The following GPR107 variants were observed in gnomAD, a reference collection of about 807,000 sequenced individuals.
GPR107 encodes protein GPR107.
Under a neutral mutation model 75.5 loss-of-function variants are expected in GPR107, and 31 were observed. The ratio of observed to expected loss-of-function variants is 0.41; its 90% CI spans 0.31 to 0.55. GPR107 has a LOEUF of 0.55. Among genes scored for constraint, GPR107 ranks in the 20% least tolerant of loss-of-function variants. The probability of loss-of-function intolerance (pLI) is 0.26; values close to 1 mark genes in which losing one functional copy is unlikely to be tolerated. For synonymous variants in GPR107, 267 were observed against 251.3 expected (o/e 1.06, Z -0.59); for missense variants, 572 against 665.7 (o/e 0.86, Z 1.55).
chr9:130,099,553 G>T, intron 10 of GPR107, 21 bp downstream of exon 10: 1 of 1,393,268 alleles, frequency 7.2e-7, no homozygotes, highest in South Asian at 1.2e-5. Context: ...GCATTTTGAG[G>T]ATCATTCATG....
chr9:130,128,402 T>C (rs55725664), intron 16 of GPR107, among the ~76,000 whole-genome samples: 1 of 152,180 alleles, frequency 6.6e-6, no homozygotes, highest in Non-Finnish European at 1.5e-5. Flanking sequence ...AAGCTACCCA[T>C]GAAGACTGGT....
chr9:130,120,652 G>A lies in GPR107; in HGVS notation c.1307-4263G>A, dbSNP rs1019050945. On this transcript the variant is annotated intron_variant, in intron 14 of 17. Coordinates refer to ENST00000347136, the MANE Select transcript of GPR107 (RefSeq NM_020960.5). ...ATCCACTCCTCGATCGCTCTGCATC[G>A]ATGGACATCTCACTGCCTTTTAGAG... Among the ~76,000 whole-genome samples, 37 of 152,120 alleles carry A rather than the reference G, an allele frequency of 2.4e-4. 1 individual carries two copies. The highest frequency in any genetic ancestry group is 2.4e-3 in the Admixed American group (37 of 15,274).
At chr9:130,066,215 C>A (rs914350873) in intron 1 of GPR107, among the ~76,000 whole-genome samples, 7 of 152,094 alleles carry the variant, frequency 4.6e-5, no homozygotes, top group Admixed American at 3.9e-4. Context: ...AGGAGAATCG[C>A]TTGAACCCGG....
At chr9:130,113,990 A>G (rs1281277230) in intron 14 of GPR107, among the ~76,000 whole-genome samples, 2 of 149,560 alleles carry the variant, frequency 1.3e-5, no homozygotes, top group Non-Finnish European at 3.0e-5. Flanking sequence ...TAAGCTAGAC[A>G]TTAAAGAGAA....
intron 1 of GPR107, among the ~76,000 whole-genome samples, chr9:130,067,752 C>CT (rs11409264): frequency 0.9 from 107,266 of 119,070 alleles, 48,499 homozygotes; most frequent in South Asian, 0.94. Context: ...CCACCGCCCC[C>CT]TTTTTTTTTT....
chr9:130,080,471 G>GTTTGTTTATTTA (rs141234005), intron 5 of GPR107, among the ~76,000 whole-genome samples: 29 of 146,690 alleles, frequency 2.0e-4, no homozygotes, highest in East Asian at 6.0e-4. Flanking sequence ...AGGTATTCCT[G>GTTTGTTTATTTA]TTTATTTATT....
chr9:130,086,491 T>C lies in GPR107; in HGVS notation c.621+15T>C. ...TGTCATTTCAGGTATGTATGCTCTT[T>C]GTGTAAAGCCTCCTAGAATTTCTCT... On this transcript the variant is annotated intron_variant, in intron 7 of 17. Transcript: ENST00000347136. The C allele has an allele frequency of 7.0e-7, 1 of 1,432,190 alleles. No homozygotes were observed. The highest frequency in any genetic ancestry group is 9.8e-7 in the Non-Finnish European group (1 of 1,016,864). 88.7% of individuals were successfully genotyped at this position (1,432,190 alleles called of 1,614,324 possible).
At position 130,094,898 on chromosome 9, in the gene GPR107, C is replaced by G. The variant is rs1830826974; in HGVS notation, c.863+2517C>G. ...CTTTTGCCATGTTGGCCAGGCTGGT[C>G]TTGAACTCCTGACCTCAGGTGATCC... is the stretch of plus-strand genomic sequence containing the variant. On this transcript the variant is annotated intron_variant, in intron 9 of 17. Coordinates refer to ENST00000347136, the MANE Select transcript of GPR107 (RefSeq NM_020960.5). Among the ~76,000 whole-genome samples, 3 of 152,122 alleles carry G rather than the reference C, an allele frequency of 2.0e-5. No individual in the cohort carries two copies. In the South Asian group the frequency reaches 6.2e-4, roughly 32 times the overall value.
intron 17 of GPR107, among the ~76,000 whole-genome samples, chr9:130,132,354 C>G (rs910322013): frequency 6.6e-6 from 1 of 152,206 alleles, no homozygotes; most frequent in Non-Finnish European, 1.5e-5. Flanking sequence ...GGAGGCAGGG[C>G]TGAGAACTGC....
At chr9:130,111,436 G>T (rs1286207495) in intron 14 of GPR107, among the ~76,000 whole-genome samples, 1 of 152,164 alleles carries the variant, frequency 6.6e-6, no homozygotes, top group Non-Finnish European at 1.5e-5. Context: ...GGAGGGTGAG[G>T]TGAGAAGATC....
At chr9:130,100,970 G>A (rs1006741929) in intron 11 of GPR107, 136 bp from the exon 12 acceptor site, 1 of 702,666 alleles carries the variant, frequency 1.4e-6, no homozygotes, top group East Asian at 2.5e-5. Flanking sequence ...TGGTGCTCAT[G>A]TATGATGGAT....
intron 1 of GPR107, among the ~76,000 whole-genome samples, chr9:130,068,066 C>CTT (rs10712492): frequency 2.1e-5 from 3 of 140,932 alleles, no homozygotes; most frequent in Non-Finnish European, 3.1e-5. Context: ...TTCTTGTTTT[C>CTT]TTTTTTTTTT....
At chr9:130,061,226 G>T (rs940511361) in intron 1 of GPR107, among the ~76,000 whole-genome samples, 4 of 152,172 alleles carry the variant, frequency 2.6e-5, no homozygotes, top group African/African-American at 9.7e-5. Flanking sequence ...GTAATGGACA[G>T]CTAGCTTCTA....
intron 5 of GPR107, among the ~76,000 whole-genome samples, chr9:130,082,758 C>T (rs920092525): frequency 1.3e-5 from 2 of 152,090 alleles, no homozygotes; most frequent in African/African-American, 2.4e-5. Context: ...GGATTATAGG[C>T]ATGAGCCACC....
intron 1 of GPR107, among the ~76,000 whole-genome samples, chr9:130,065,314 G>A (rs1368966266): frequency 6.6e-6 from 1 of 151,792 alleles, no homozygotes; most frequent in Non-Finnish European, 1.5e-5. Context: ...AGCTGGGCGT[G>A]GATCCCCAGC....
At chr9:130,127,175 A>AATTG (rs1203156642) in intron 15 of GPR107, among the ~76,000 whole-genome samples, 1 of 152,178 alleles carries the variant, frequency 6.6e-6, no homozygotes, top group Admixed American at 6.5e-5. Flanking sequence ...GATTGAAATC[A>AATTG]AGGGCTTATG....
At chr9:130,055,527 CAAAAA>C (rs60907055) in intron 1 of GPR107, among the ~76,000 whole-genome samples, 2 of 108,082 alleles carry the variant, frequency 1.9e-5, no homozygotes, top group Non-Finnish European at 2.0e-5. Context: ...GACTCCGTCT[CAAAAA>C]AAAAAAAAAA....
intron 1 of GPR107, 70 bp from the exon 2 acceptor site, chr9:130,075,566 C>A: frequency 2.4e-6 from 2 of 840,456 alleles, no homozygotes; most frequent in Non-Finnish European, 4.1e-6. Context: ...CTTTTTAAAG[C>A]AAATGAATAG....
At chr9:130,087,358 A>G (rs551227123) in intron 7 of GPR107, among the ~76,000 whole-genome samples, 1 of 152,218 alleles carries the variant, frequency 6.6e-6, no homozygotes, top group East Asian at 1.9e-4. Context: ...TCTGAACCTC[A>G]CTGTTTAATC....
Sources: gnomAD v4.1 joint callset for allele counts (sites outside exome capture counted in the v4.1 genomes callset) on GRCh38, gnomAD v4.1.1 for gene constraint, MANE v1.5 for transcripts, NCBI Gene and HGNC (gene_info 2026-07-23, HGNC 2026-07-21) for gene names.